FBXW11: variants seen among roughly 807,000 people sequenced by gnomAD.
FBXW11 encodes the protein F-box/WD repeat-containing protein 11.
Under a neutral mutation model 77.6 loss-of-function variants are expected in FBXW11, and 19 were observed. The observed-to-expected ratio is 0.24, with a 90% CI of 0.17 to 0.36. The LOEUF (loss-of-function observed/expected upper bound fraction) is 0.36, where lower values mean the gene tolerates loss of function less well. Ranked by LOEUF, FBXW11 falls within the 10% of genes least tolerant of loss-of-function variation. The probability of loss-of-function intolerance (pLI) is 1.00; values close to 1 mark genes in which losing one functional copy is unlikely to be tolerated. For synonymous variants in FBXW11, 235 were observed against 249.4 expected (o/e 0.94, Z 0.54); for missense variants, 334 against 704.2 (o/e 0.47, Z 5.95).
At chr5:172,005,850 A>G (rs548331519) in intron 1 of FBXW11, among the ~76,000 whole-genome samples, 1 of 152,198 alleles carries the variant, frequency 6.6e-6, no homozygotes, top group East Asian at 1.9e-4. Context: ...TTTGTCCGAG[A>G]AGCCGGACAC....
intron 2 of FBXW11, among the ~76,000 whole-genome samples, chr5:171,918,070 T>C (rs1051116693): frequency 3.3e-5 from 5 of 152,022 alleles, no homozygotes; most frequent in African/African-American, 1.2e-4. Flanking sequence ...CAAATACTTT[T>C]GGGAGACAAA....
intron 2 of FBXW11, among the ~76,000 whole-genome samples, chr5:171,945,739 T>C (rs925530238): frequency 1.3e-5 from 2 of 152,234 alleles, no homozygotes; most frequent in Non-Finnish European, 1.5e-5. Flanking sequence ...AAAGTCCAAA[T>C]CACCGCTGAC....
At position 171,917,258 on chromosome 5, in the gene FBXW11, T is replaced by A. The variant is rs17569900; in HGVS notation, c.148-2853A>T. ...TGTTTTAAACTAAAAGCTTTTGAAA[T>A]ATAGGAGCCAGAATCCTCCAGAGCT... On this transcript the variant is annotated intron_variant, in intron 2 of 13. Transcript: ENST00000517395. 9.0e-3 allele frequency among the ~76,000 whole-genome samples: 1,369 copies of A among 152,266 alleles called. 12 individuals are homozygous for A. Among genetic ancestry groups the A allele is most frequent in the Non-Finnish European group, 0.014 (937 of 68,024 alleles).
At chr5:171,966,510 A>C (rs973573040) in intron 1 of FBXW11, among the ~76,000 whole-genome samples, 1 of 152,228 alleles carries the variant, frequency 6.6e-6, no homozygotes, top group Non-Finnish European at 1.5e-5. Context: ...GATGTAACAA[A>C]ATAATCTATT....
At chr5:171,910,839 AG>A in intron 3 of FBXW11, 42 bp from the exon 4 acceptor site, 1 of 1,322,124 alleles carries the variant, frequency 7.6e-7, no homozygotes, top group Non-Finnish European at 1.0e-6. Context: ...TAACAAGGAA[AG>A]AAACCTAATT....
chr5:171,974,555 CTAAAAAAAA>C (rs1331464680), intron 1 of FBXW11, among the ~76,000 whole-genome samples: 1 of 151,266 alleles, frequency 6.6e-6, no homozygotes, highest in African/African-American at 2.4e-5. Flanking sequence ...TTTCTTGAAG[CTAAAAAAAA>C]AACAGGAAGA....
intron 2 of FBXW11, among the ~76,000 whole-genome samples, chr5:171,923,975 G>A (rs1267806804): frequency 1.5e-5 from 2 of 131,478 alleles, no homozygotes; most frequent in Non-Finnish European, 3.1e-5. Context: ...GCCCAGGCTG[G>A]AGTGCTGTGG....
intron 1 of FBXW11, among the ~76,000 whole-genome samples, chr5:171,999,400 AATAT>A (rs982270902): frequency 7.1e-6 from 1 of 141,484 alleles, no homozygotes; most frequent in Non-Finnish European, 1.5e-5. Flanking sequence ...AAAAAAAAAA[AATAT>A]ATATATATAT....
At chr5:171,949,254 C>T (rs888928634) in intron 2 of FBXW11, among the ~76,000 whole-genome samples, 12 of 152,266 alleles carry the variant, frequency 7.9e-5, no homozygotes, top group African/African-American at 2.6e-4. Flanking sequence ...AAGAAGGCTT[C>T]GGTGACTTCA....
At chr5:171,969,573 A>G (rs986751292) in intron 1 of FBXW11, among the ~76,000 whole-genome samples, 2 of 152,276 alleles carry the variant, frequency 1.3e-5, no homozygotes, top group Non-Finnish European at 2.9e-5. Flanking sequence ...TCTGCAAATA[A>G]AGCCATATTG....
chr5:171,890,016 T>C (rs184155020), intron 7 of FBXW11, among the ~76,000 whole-genome samples: 1 of 151,430 alleles, frequency 6.6e-6, no homozygotes, highest in Non-Finnish European at 1.5e-5. Flanking sequence ...AACTCAGTAA[T>C]AAAAAAACAA....
chr5:171,890,487 C>CAAAAA (rs5873290), intron 7 of FBXW11, among the ~76,000 whole-genome samples: 1 of 126,494 alleles, frequency 7.9e-6, no homozygotes, highest in Non-Finnish European at 1.6e-5. Flanking sequence ...GACTCCGTCT[C>CAAAAA]AAAAAAAAAA....
chr5:171,901,944 T>C (rs1372250931), intron 4 of FBXW11, among the ~76,000 whole-genome samples: 1 of 152,168 alleles, frequency 6.6e-6, no homozygotes, highest in Non-Finnish European at 1.5e-5. Context: ...TGTTAAACCA[T>C]GTTGGCAAAC....
chr5:171,996,431 C>G (rs1581096138), intron 1 of FBXW11, among the ~76,000 whole-genome samples: 2 of 152,238 alleles, frequency 1.3e-5, no homozygotes, highest in South Asian at 4.1e-4. Flanking sequence ...CTCTGGGAGG[C>G]CAAGGCAGGC....
rs1381716668 is a variant in FBXW11, at chr5:171,899,063, C to T, written c.655G>A (p.Asp219Asn). The T allele has an allele frequency of 6.2e-7, 1 of 1,609,230 alleles. No homozygotes were observed. Among genetic ancestry groups the T allele is most frequent in the Non-Finnish European group, 8.5e-7 (1 of 1,178,178 alleles). Residue 219 changes from aspartate to asparagine, a missense_variant, in exon 6 of 14, where the codon GAT (aspartate) becomes AAT (asparagine). By Grantham distance (23) the Asp-to-Asn change is conservative (BLOSUM62 1). Coordinates refer to ENST00000517395, the MANE Select transcript of FBXW11 (RefSeq NM_001378974.1). The part of the protein sequence containing the change: ...DQYLFKNRPT[D>N]GPPNSFYRSL... The stretch of plus-strand genomic sequence containing the variant: ...CTATAAAATGAATTTGGAGGGCCAT[C>T]TGTGGGTCTGTTTTTAAACAGGTAC...
At chr5:171,944,574 C>CAAAAAAAAAAAAAAAAAAA (rs34106047) in intron 2 of FBXW11, among the ~76,000 whole-genome samples, 1 of 80,566 alleles carries the variant, frequency 1.2e-5, no homozygotes, top group African/African-American at 5.8e-5. Flanking sequence ...GACTCCATCT[C>CAAAAAAAAAAAAAAAAAAA]AAAAAAAAAA....
intron 1 of FBXW11, among the ~76,000 whole-genome samples, chr5:171,998,334 G>GTTTTTTTTTTTTTTTTTTTTT (rs1766187822): frequency 1.9e-5 from 2 of 107,862 alleles, no homozygotes; most frequent in African/African-American, 1.4e-4. Flanking sequence ...TTTTTTTCTT[G>GTTTTTTTTTTTTTTTTTTTTT]TCTTTTTTTT....
At chr5:171,880,634 T>A (rs1177256382) in intron 7 of FBXW11, among the ~76,000 whole-genome samples, 1 of 152,236 alleles carries the variant, frequency 6.6e-6, no homozygotes, top group African/African-American at 2.4e-5. Flanking sequence ...TTCACATAGA[T>A]CTTATAAATA....
chr5:171,943,605 T>A (rs1002998323), intron 2 of FBXW11, among the ~76,000 whole-genome samples: 2 of 152,168 alleles, frequency 1.3e-5, no homozygotes, highest in Non-Finnish European at 1.5e-5. Flanking sequence ...ATTACAGGCA[T>A]GCGCCACCAC....
Sources: gnomAD v4.1 joint callset for allele counts (sites outside exome capture counted in the v4.1 genomes callset) on GRCh38, gnomAD v4.1.1 for gene constraint, MANE v1.5 for transcripts, NCBI Gene and HGNC (gene_info 2026-07-23, HGNC 2026-07-21) for gene names.